AMBRA1: variants seen among roughly 807,000 people sequenced by gnomAD.
The protein encoded by AMBRA1 is activating molecule in BECN1-regulated autophagy protein 1.
Under a neutral mutation model 125.4 loss-of-function variants are expected in AMBRA1, and 47 were observed. That is an observed-to-expected ratio of 0.37 (90% CI 0.30 to 0.48). AMBRA1 has a LOEUF of 0.48. Among genes scored for constraint, AMBRA1 ranks in the 20% least tolerant of loss-of-function variants. The pLI, the probability that AMBRA1 is intolerant of heterozygous loss-of-function variation, is 0.99. For synonymous variants in AMBRA1, 626 were observed against 655.5 expected (o/e 0.95, Z 0.69); for missense variants, 1,331 against 1,693.4 (o/e 0.79, Z 3.76).
chr11:46,421,489 G>A (rs1360076310), intron 14 of AMBRA1, among the ~76,000 whole-genome samples: 1 of 152,200 alleles, frequency 6.6e-6, no homozygotes, highest in Non-Finnish European at 1.5e-5. Context: ...GGAGATGAGG[G>A]CATGGAGGGT....
intron 2 of AMBRA1, 38 bp downstream of exon 2, chr11:46,548,208 A>G: frequency 1.9e-6 from 3 of 1,613,382 alleles, no homozygotes; most frequent in Non-Finnish European, 2.5e-6. Flanking sequence ...TACCATCACC[A>G]GCACAAATCC....
intron 9 of AMBRA1, among the ~76,000 whole-genome samples, chr11:46,497,907 A>G (rs909131955): frequency 2.6e-5 from 4 of 152,208 alleles, no homozygotes; most frequent in African/African-American, 9.6e-5. Flanking sequence ...AGAAATTTCA[A>G]TGCATGGGAT....
At position 46,547,876 on chromosome 11, in the gene AMBRA1, C is replaced by G; in HGVS notation, c.136-1G>C. The G allele has an allele frequency of 6.3e-7, 1 of 1,585,416 alleles. No individual in the cohort carries two copies. The highest frequency in any genetic ancestry group is 8.6e-7 in the Non-Finnish European group (1 of 1,169,480). On this transcript the variant is annotated splice_acceptor_variant, in intron 2 of 17. Coordinates refer to ENST00000683756, the MANE Select transcript of AMBRA1 (RefSeq NM_001387011.1). LOFTEE classifies it high-confidence loss of function. ...GTGGACTATCCGGCAGTTCTACTCT[C>G]TGGGAGACAAAAAAAAAAAAAAAGT...
intron 14 of AMBRA1, chr11:46,428,987 C>G: frequency 6.2e-7 from 1 of 1,612,310 alleles, no homozygotes; most frequent in South Asian, 1.1e-5. Flanking sequence ...CACGTAGCCT[C>G]GGGACTTGAG....
chr11:46,472,518 C>A (rs539322492), intron 11 of AMBRA1, among the ~76,000 whole-genome samples: 2 of 152,302 alleles, frequency 1.3e-5, no homozygotes, highest in South Asian at 2.1e-4. Context: ...CACACCCTCA[C>A]CTGTCAAGTG....
At chr11:46,498,568 T>C (rs1398424294) in intron 9 of AMBRA1, among the ~76,000 whole-genome samples, 2 of 152,192 alleles carry the variant, frequency 1.3e-5, no homozygotes, top group Admixed American at 1.3e-4. Context: ...AGAAGATGTA[T>C]TTCCAGAACA....
chr11:46,547,934 G>A (rs1401843205), intron 2 of AMBRA1, 59 bp from the exon 3 acceptor site: 57 of 1,539,414 alleles, frequency 3.7e-5, no homozygotes, highest in East Asian at 7.0e-5. Context: ...ATGGTTCACC[G>A]TATCTCAAAA....
intron 14 of AMBRA1, chr11:46,428,926 A>G (rs1341319081): frequency 1.2e-5 from 19 of 1,611,734 alleles, no homozygotes; most frequent in African/African-American, 2.7e-5. Context: ...GATACTGGAT[A>G]CCCTCATTGG....
At chr11:46,470,209 AG>A (rs961425321) in intron 11 of AMBRA1, among the ~76,000 whole-genome samples, 2 of 152,134 alleles carry the variant, frequency 1.3e-5, no homozygotes, top group African/African-American at 4.8e-5. Flanking sequence ...TTGGAGGCCA[AG>A]CTGGGAGGAT....
Position 46,542,213 on chromosome 11 carries a change from C to G in AMBRA1, c.1804G>C (p.Val602Leu). ...SSGEASSSWQVPSSFESVPSS... is the reference protein window; with the variant it reads ...SSGEASSSWQLPSSFESVPSS... Reference sequence around the variant, plus strand: ...GGCACACTCTCAAAGGAGCTGGGGACCTGCCAAGAGGAACTAGCCTCGCCA... The same window carrying G: ...GGCACACTCTCAAAGGAGCTGGGGAGCTGCCAAGAGGAACTAGCCTCGCCA... Residue 602 changes from valine to leucine, a missense_variant, in exon 7 of 18, where the codon GTC becomes CTC. Val to Leu is a conservative substitution (Grantham distance 32). Coordinates refer to ENST00000683756, the MANE Select transcript of AMBRA1 (RefSeq NM_001387011.1). The surrounding 1 kb of genome is among the most constrained non-coding windows in gnomAD (Gnocchi z 5.9). 6.2e-7 allele frequency: 1 copy of G among 1,613,990 alleles called. No homozygotes were observed. The highest frequency in any genetic ancestry group is 8.5e-7 in the Non-Finnish European group (1 of 1,179,974).
chr11:46,408,701 C>A lies in AMBRA1; in HGVS notation c.3215G>T (p.Ser1072Ile), dbSNP rs532892264. 5.2e-6 allele frequency: 8 copies of A among 1,546,108 alleles called. No homozygotes were observed. Among genetic ancestry groups the A allele is most frequent in the Non-Finnish European group, 5.3e-6 (6 of 1,141,688 alleles). ...TCTGTCTGTCCTCCATGTGGCTCTG[C>A]TGGTTCTAGGGAGAGAAAGGCAGAC... ...NSRSSERPGTSRATWRTDRDM... is the reference protein window; with the variant it reads ...NSRSSERPGTIRATWRTDRDM... Residue 1072 changes from serine to isoleucine, a missense_variant, in exon 17 of 18, where the codon AGC becomes ATC. By Grantham distance (142) the Ser-to-Ile change is moderately radical. Coordinates refer to ENST00000683756, the MANE Select transcript of AMBRA1 (RefSeq NM_001387011.1).
At chr11:46,437,291 C>T (rs1248086885) in intron 12 of AMBRA1, among the ~76,000 whole-genome samples, 2 of 152,182 alleles carry the variant, frequency 1.3e-5, no homozygotes, top group Non-Finnish European at 2.9e-5. Flanking sequence ...TATATGATGA[C>T]GATTCCAAGT....
chr11:46,548,149 A>G, intron 2 of AMBRA1, 97 bp downstream of exon 2: 1 of 1,536,808 alleles, frequency 6.5e-7, no homozygotes, highest in Admixed American at 1.8e-5. Flanking sequence ...CCCACACAAG[A>G]TAAATATATC....
chr11:46,409,274 C>T (rs1187190395), intron 16 of AMBRA1, among the ~76,000 whole-genome samples: 1 of 151,794 alleles, frequency 6.6e-6, no homozygotes, highest in Non-Finnish European at 1.5e-5. Flanking sequence ...AATCTCAGCT[C>T]ACTGCAACCT....
At chr11:46,492,388 C>T (rs1229244242) in intron 11 of AMBRA1, among the ~76,000 whole-genome samples, 1 of 152,242 alleles carries the variant, frequency 6.6e-6, no homozygotes, top group East Asian at 1.9e-4. Flanking sequence ...TTCTCACAGT[C>T]AGACAGTGCC....
At chr11:46,484,151 C>T (rs1202323832) in intron 11 of AMBRA1, among the ~76,000 whole-genome samples, 1 of 152,164 alleles carries the variant, frequency 6.6e-6, no homozygotes. Flanking sequence ...TAGGGGATAT[C>T]TAATCCTAAA....
At chr11:46,550,146 G>A (rs1451473143) in intron 1 of AMBRA1, among the ~76,000 whole-genome samples, 2 of 152,186 alleles carry the variant, frequency 1.3e-5, no homozygotes, top group Non-Finnish European at 2.9e-5. Context: ...AAGATCAGGA[G>A]AGTTGACTTG....
intron 1 of AMBRA1, among the ~76,000 whole-genome samples, chr11:46,592,807 C>T (rs2044654813): frequency 6.6e-6 from 1 of 151,862 alleles, no homozygotes; most frequent in Non-Finnish European, 1.5e-5. Context: ...CCATTGGATA[C>T]TCCCCAGAAA....
At chr11:46,565,091 AC>A (rs2135252854) in intron 1 of AMBRA1, among the ~76,000 whole-genome samples, 1 of 152,090 alleles carries the variant, frequency 6.6e-6, no homozygotes, top group East Asian at 1.9e-4. Context: ...CCTCATCTCT[AC>A]AAAAAAATAT....
Sources: gnomAD v4.1 joint callset for allele counts (sites outside exome capture counted in the v4.1 genomes callset) on GRCh38, gnomAD v4.1.1 for gene constraint, Gnocchi (gnomAD v3.1) non-coding constraint, MANE v1.5 for transcripts, NCBI Gene and HGNC (gene_info 2026-07-23, HGNC 2026-07-21) for gene names.